MCC: variants seen among roughly 807,000 people sequenced by gnomAD.
MCC encodes the protein MCC regulator of Wnt signaling pathway, also known as colorectal mutant cancer protein.
MCC carries 90 observed loss-of-function variants against 116.2 expected under a neutral mutation model. The ratio of observed to expected loss-of-function variants is 0.77; its 90% CI spans 0.65 to 0.92. The LOEUF (loss-of-function observed/expected upper bound fraction) is 0.92. MCC is among the 40% of genes least tolerant of loss of function. The pLI, the probability that MCC is intolerant of heterozygous loss-of-function variation, is 0.00. For missense variants in MCC, 1,516 were observed against 1,312.2 expected, an observed-to-expected ratio of 1.16 and a Z score of -2.40; for synonymous variants, 578 against 510.5, an observed-to-expected ratio of 1.13 and a Z score of -1.78.
chr5:113,133,883 T>C (rs545064443), intron 5 of MCC, among the ~76,000 whole-genome samples: 27 of 152,212 alleles, frequency 1.8e-4, no homozygotes, highest in Non-Finnish European at 3.8e-4. Context: ...TGTTGGCCAT[T>C]TGTACGTCTT....
At chr5:113,145,831 A>T (rs1266043633) in intron 4 of MCC, among the ~76,000 whole-genome samples, 2 of 150,058 alleles carry the variant, frequency 1.3e-5, no homozygotes, top group African/African-American at 4.9e-5. Context: ...GCTGCCCAGG[A>T]TACCAGATGG....
Position 113,434,402 on chromosome 5 carries a change from C to A in MCC, c.171-49190G>T, listed in dbSNP as rs369016859. On this transcript the variant is annotated intron_variant, in intron 1 of 18. Transcript: ENST00000408903. The surrounding 1 kb of genome is among the most constrained non-coding windows in gnomAD (Gnocchi z 4.2). ...AGTCGGACAGCTTGATGTTGAAGTC[C>A]TTGTCAAGGAGAAGGTTGTCACACT... 1 of 1,613,958 alleles carries A rather than the reference C, an allele frequency of 6.2e-7. No individual in the cohort carries two copies. The highest frequency in any genetic ancestry group is 1.3e-5 in the African/African-American group (1 of 74,986).
At chr5:113,216,068 G>A (rs1282421574) in intron 3 of MCC, among the ~76,000 whole-genome samples, 2 of 152,162 alleles carry the variant, frequency 1.3e-5, no homozygotes, top group Non-Finnish European at 2.9e-5. Flanking sequence ...CCTTCTACCT[G>A]TTTTTGTGAA....
At chr5:113,212,717 C>T (rs1269718135) in intron 3 of MCC, among the ~76,000 whole-genome samples, 1 of 152,180 alleles carries the variant, frequency 6.6e-6, no homozygotes, top group Non-Finnish European at 1.5e-5. Flanking sequence ...CTATTCACTC[C>T]CCAACACCTA....
At chr5:113,372,782 C>G (rs911574860) in intron 2 of MCC, among the ~76,000 whole-genome samples, 1 of 152,158 alleles carries the variant, frequency 6.6e-6, no homozygotes, top group Non-Finnish European at 1.5e-5. Context: ...GCCTTTAACT[C>G]CCCGGGCTCA....
rs201548911 is a variant in MCC at position 113,469,797 on chromosome 5, T to C, written c.170+18448A>G. On this transcript the variant is annotated intron_variant, in intron 1 of 18. Transcript: ENST00000408903. ...GACAGTGGGGTGTTAAAGTCTCCCATTATTATTGTGTGGGAGTCTAAGCCT... is the reference window on the plus strand; with the variant it reads ...GACAGTGGGGTGTTAAAGTCTCCCACTATTATTGTGTGGGAGTCTAAGCCT... Among the ~76,000 whole-genome samples, 138 of 152,260 alleles carry C rather than the reference T, an allele frequency of 9.1e-4. 1 individual carries two copies. In the East Asian group the frequency reaches 0.021, roughly 23 times the overall value.
At chr5:113,039,763 G>A (rs985813732) in intron 17 of MCC, among the ~76,000 whole-genome samples, 3 of 121,790 alleles carry the variant, frequency 2.5e-5, no homozygotes, top group Non-Finnish European at 4.9e-5. Flanking sequence ...ACCTGCTCCC[G>A]GCTGCCTCCC....
intron 18 of MCC, 126 bp from the exon 19 acceptor site, chr5:113,027,608 G>C: frequency 1.1e-6 from 1 of 877,286 alleles, no homozygotes; most frequent in Non-Finnish European, 1.8e-6. Context: ...ATCCTCTTCG[G>C]TAAGAATCTG....
At chr5:113,059,225 G>C (rs1417681573) in intron 14 of MCC, among the ~76,000 whole-genome samples, 1 of 152,136 alleles carries the variant, frequency 6.6e-6, no homozygotes, top group African/African-American at 2.4e-5. Context: ...GCTTTTAGTG[G>C]AGAAAGTTTA....
At chr5:113,073,020 G>C (rs189799852) in intron 11 of MCC, among the ~76,000 whole-genome samples, 6 of 151,684 alleles carry the variant, frequency 4.0e-5, no homozygotes, top group African/African-American at 1.5e-4. Flanking sequence ...CAACCTGTGG[G>C]CTGCATGGGG....
At chr5:113,336,569 A>G (rs1767874283) in intron 3 of MCC, among the ~76,000 whole-genome samples, 1 of 148,070 alleles carries the variant, frequency 6.8e-6, no homozygotes, top group South Asian at 2.1e-4. Context: ...ACTCTCCTAT[A>G]CATCTAGCTT....
intron 6 of MCC, among the ~76,000 whole-genome samples, chr5:113,114,060 A>G (rs1201781974): frequency 6.7e-6 from 1 of 149,078 alleles, no homozygotes; most frequent in Non-Finnish European, 1.5e-5. Flanking sequence ...GTGAAGCATC[A>G]TGGCATCTGC....
intron 5 of MCC, among the ~76,000 whole-genome samples, chr5:113,137,753 G>C (rs1318924835): frequency 2.0e-5 from 3 of 152,040 alleles, no homozygotes; most frequent in African/African-American, 7.2e-5. Context: ...TCATAAGAAG[G>C]GCCACTTCCA....
At chr5:113,415,475 CT>C (rs1399472911) in intron 1 of MCC, among the ~76,000 whole-genome samples, 1 of 152,100 alleles carries the variant, frequency 6.6e-6, no homozygotes, top group South Asian at 2.1e-4. Flanking sequence ...TCTTTTTATG[CT>C]TTTTTCTCTA....
intron 3 of MCC, among the ~76,000 whole-genome samples, chr5:113,320,417 A>C (rs184365069): frequency 2.6e-5 from 4 of 151,570 alleles, no homozygotes; most frequent in African/African-American, 7.3e-5. Flanking sequence ...AACATTGTAC[A>C]CAAGACTGTT....
chr5:113,068,525 G>A (rs909380890), intron 12 of MCC, among the ~76,000 whole-genome samples: 3 of 152,250 alleles, frequency 2.0e-5, no homozygotes, highest in Admixed American at 6.5e-5. Context: ...GCACCCTGGT[G>A]TCCACACCCT....
chr5:113,335,806 T>G (rs1767855129), intron 3 of MCC, among the ~76,000 whole-genome samples: 1 of 151,720 alleles, frequency 6.6e-6, no homozygotes, highest in East Asian at 1.9e-4. Context: ...TCTTGTATGG[T>G]TCTGTATGGC....
intron 3 of MCC, among the ~76,000 whole-genome samples, chr5:113,206,023 A>G (rs2150321207): frequency 6.6e-6 from 1 of 152,358 alleles, no homozygotes; most frequent in East Asian, 1.9e-4. Flanking sequence ...GTGTGCTGGC[A>G]TCTGCAGTGA....
chr5:113,376,152 G>C (rs559620904), intron 2 of MCC, among the ~76,000 whole-genome samples: 2 of 152,240 alleles, frequency 1.3e-5, no homozygotes, highest in East Asian at 1.9e-4. Context: ...CTCTTTAAAA[G>C]TTGCTCAGAT....
Sources: allele counts gnomAD v4.1 joint callset (sites outside exome capture counted in the v4.1 genomes callset), GRCh38; gene constraint gnomAD v4.1.1; non-coding constraint Gnocchi (gnomAD v3.1); transcripts MANE v1.5; gene names NCBI Gene and HGNC (gene_info 2026-07-23, HGNC 2026-07-21).